The following TGFA variants were observed in gnomAD, a reference collection of about 807,000 sequenced individuals.
The protein encoded by TGFA is protransforming growth factor alpha.
TGFA carries 12 observed loss-of-function variants against 21.7 expected under a neutral mutation model. The ratio of observed to expected loss-of-function variants is 0.55; its 90% CI spans 0.35 to 0.90. The LOEUF (loss-of-function observed/expected upper bound fraction) is 0.90, where lower values mean the gene tolerates loss of function less well. TGFA is among the 40% of genes least tolerant of loss of function. The pLI is 0.01. For missense variants in TGFA, 178 were observed against 210.8 expected (o/e 0.84, Z 0.96); for synonymous variants, 79 against 88.1 (o/e 0.90, Z 0.58).
At chr2:70,512,980 C>T (rs1672151886) in intron 2 of TGFA, among the ~76,000 whole-genome samples, 1 of 152,146 alleles carries the variant, frequency 6.6e-6, no homozygotes, top group Non-Finnish European at 1.5e-5. Context: ...GGGATAGAGG[C>T]CTGGGGCACA....
At chr2:70,513,561 G>C (rs868985325) in intron 2 of TGFA, among the ~76,000 whole-genome samples, 1 of 152,124 alleles carries the variant, frequency 6.6e-6, no homozygotes, top group Non-Finnish European at 1.5e-5. Flanking sequence ...TGTCATCATG[G>C]ACCACCAAGT....
chr2:70,482,622 T>C (rs1308063626), intron 2 of TGFA, among the ~76,000 whole-genome samples: 4 of 152,230 alleles, frequency 2.6e-5, no homozygotes, highest in Non-Finnish European at 5.9e-5. Context: ...ATTAAATCAT[T>C]ACTCTTAACC....
At chr2:70,473,467 C>G (rs1670818786) in intron 2 of TGFA, among the ~76,000 whole-genome samples, 1 of 151,524 alleles carries the variant, frequency 6.6e-6, no homozygotes, top group Admixed American at 6.6e-5. Context: ...GGCAATGCTA[C>G]TGACCTTTGC....
At chr2:70,471,536 C>A (rs1269957951) in intron 2 of TGFA, among the ~76,000 whole-genome samples, 6 of 152,164 alleles carry the variant, frequency 3.9e-5, no homozygotes, top group Admixed American at 1.3e-4. Context: ...CATTTGAGGG[C>A]CTTTAAAGGT....
At chr2:70,548,523 T>G (rs1469861864) in intron 1 of TGFA, among the ~76,000 whole-genome samples, 4 of 152,088 alleles carry the variant, frequency 2.6e-5, no homozygotes, top group Non-Finnish European at 5.9e-5. Flanking sequence ...ACTTCAAGGG[T>G]ACAAATGCGA....
chr2:70,492,768 G>A (rs1671471187), intron 2 of TGFA, among the ~76,000 whole-genome samples: 1 of 152,018 alleles, frequency 6.6e-6, no homozygotes, highest in African/African-American at 2.4e-5. Flanking sequence ...CAAATGTTGG[G>A]TTAACAAGTC....
At chr2:70,504,724 TGGGGAA>T (rs1362155195) in intron 2 of TGFA, among the ~76,000 whole-genome samples, 1 of 151,910 alleles carries the variant, frequency 6.6e-6, no homozygotes, top group Non-Finnish European at 1.5e-5. Context: ...CAATCTGTCT[TGGGGAA>T]GGGGAAGAAA....
At chr2:70,514,713 C>T (rs1672213770) in intron 2 of TGFA, 146 bp downstream of exon 2, 1 of 870,294 alleles carries the variant, frequency 1.1e-6, no homozygotes, top group East Asian at 2.6e-5. Flanking sequence ...CGCCTCCTCG[C>T]CCCTGAGGAG....
intron 2 of TGFA, among the ~76,000 whole-genome samples, chr2:70,487,938 G>A (rs1386724512): frequency 6.6e-6 from 1 of 152,300 alleles, no homozygotes; most frequent in East Asian, 1.9e-4. Flanking sequence ...CTCCCCTGAG[G>A]AGGAGATGAG....
At chr2:70,519,833 G>A (rs1559132412) in intron 1 of TGFA, among the ~76,000 whole-genome samples, 1 of 152,270 alleles carries the variant, frequency 6.6e-6, no homozygotes, top group African/African-American at 2.4e-5. Flanking sequence ...GAGATGGGCA[G>A]ATGGGTGCCT....
intron 1 of TGFA, among the ~76,000 whole-genome samples, chr2:70,544,695 T>C (rs1553505615): frequency 2.0e-5 from 3 of 152,192 alleles, no homozygotes; most frequent in African/African-American, 7.2e-5. Flanking sequence ...AAATACCAAA[T>C]AATGGAACCA....
intron 2 of TGFA, chr2:70,467,817 C>T (rs1553492574): frequency 6.6e-6 from 1 of 152,116 alleles, no homozygotes; most frequent in Admixed American, 6.5e-5. Context: ...TTTAGAAATC[C>T]CATAATTCCA....
intron 1 of TGFA, among the ~76,000 whole-genome samples, chr2:70,515,828 G>A (rs740385): frequency 0.069 from 10,461 of 152,102 alleles, 1,210 homozygotes; most frequent in African/African-American, 0.24. Context: ...GCAGGACCAC[G>A]GGAACAAAGC....
At chr2:70,498,582 A>G (rs1348417151) in intron 2 of TGFA, among the ~76,000 whole-genome samples, 1 of 152,110 alleles carries the variant, frequency 6.6e-6, no homozygotes, top group African/African-American at 2.4e-5. Flanking sequence ...GGGGAGGTAG[A>G]AGGGACCACC....
chr2:70,465,465 G>A (rs782778573), intron 3 of TGFA, 151 bp downstream of exon 3: 3 of 955,476 alleles, frequency 3.1e-6, no homozygotes, highest in Non-Finnish European at 4.4e-6. Flanking sequence ...TTTGAAAAAG[G>A]TGTCCCTCAG....
chr2:70,479,582 T>A (rs1421722829), intron 2 of TGFA, among the ~76,000 whole-genome samples: 2 of 152,214 alleles, frequency 1.3e-5, no homozygotes, highest in African/African-American at 4.8e-5. Flanking sequence ...GTGTCAGCCT[T>A]AGTTTTCTTT....
intron 2 of TGFA, among the ~76,000 whole-genome samples, chr2:70,496,028 C>A (rs1490462477): frequency 2.6e-5 from 4 of 152,122 alleles, no homozygotes; most frequent in Non-Finnish European, 4.4e-5. Context: ...TCTTTTCCAA[C>A]CAGAGGCTCC....
In TGFA at chr2:70,543,353, C is replaced by T. The variant is rs552890927; in HGVS notation, c.40+10375G>A. Among the ~76,000 whole-genome samples the T allele has an allele frequency of 3.0e-4, 46 of 151,750 alleles. No homozygotes were observed. In the South Asian group the frequency reaches 4.4e-3, roughly 14 times the overall value. ...GACCAGCCTGGCCAACATGGCAAAA[C>T]CCCATCTCTACTAAAGAATACAAAA... On this transcript the variant is annotated intron_variant, in intron 1 of 5. Coordinates refer to ENST00000295400, the MANE Select transcript of TGFA (RefSeq NM_003236.4).
At chr2:70,553,290 C>T in intron 1 of TGFA, 1 of 1,533,226 alleles carries the variant, frequency 6.5e-7, no homozygotes, top group Non-Finnish European at 8.7e-7. Flanking sequence ...GCCAAAGGGG[C>T]GCAGGCAAGA....
Sources: allele counts gnomAD v4.1 joint callset (sites outside exome capture counted in the v4.1 genomes callset), GRCh38; gene constraint gnomAD v4.1.1; transcripts MANE v1.5; gene names NCBI Gene and HGNC (gene_info 2026-07-23, HGNC 2026-07-21).